EPC2: variants seen among roughly 807,000 people sequenced by gnomAD.
EPC2 encodes the protein enhancer of polycomb homolog 2.
EPC2 carries 14 observed loss-of-function variants against 92.1 expected under a neutral mutation model. That is an observed-to-expected ratio of 0.15 (90% CI 0.10 to 0.24). The LOEUF is 0.24. Ranked by LOEUF, EPC2 falls within the 10% of genes least tolerant of loss-of-function variation. The pLI is 1.00. For missense variants in EPC2, 755 were observed against 971.5 expected (o/e 0.78, Z 2.96); for synonymous variants, 340 against 334.7 (o/e 1.02, Z -0.17).
chr2:148,761,841 T>C lies in EPC2; in HGVS notation c.726T>C (p.Ser242=). ...TGTTGAAACTGAGACGAGAATTTAGTAGAGCCATAACAATTTTGGAAATGA... is the reference window on the plus strand; with the variant it reads ...TGTTGAAACTGAGACGAGAATTTAGCAGAGCCATAACAATTTTGGAAATGA... ...EKMLKLRREF[S]RAITILEMIK... is the part of the protein sequence containing the mutation. Residue 242 remains serine (S), a synonymous_variant, in exon 5 of 14, where the codon AGT becomes AGC. Transcript: ENST00000258484. The C allele has an allele frequency of 6.3e-7, 1 of 1,593,366 alleles. No individual in the cohort carries two copies. Among genetic ancestry groups the C allele is most frequent in the Admixed American group, 1.8e-5 (1 of 56,412 alleles).
At chr2:148,662,213 TTGG>T (rs1382806488) in intron 1 of EPC2, among the ~76,000 whole-genome samples, 1 of 152,150 alleles carries the variant, frequency 6.6e-6, no homozygotes, top group African/African-American at 2.4e-5. Context: ...TTTTACACTG[TTGG>T]TGGGAGTGTA....
chr2:148,663,592 A>ATTT lies in EPC2; in HGVS notation c.153+18448_153+18450dup, dbSNP rs56911412. 3.7e-3 allele frequency among the ~76,000 whole-genome samples: 278 copies of ATTT among 74,358 alleles called. 29 individuals are homozygous for ATTT. The highest frequency in any genetic ancestry group is 0.015 in the African/African-American group (266 of 17,836). The allele number at this position is 74,358 out of a possible 152,430, so 48.8% of individuals were successfully genotyped here. On this transcript the variant is annotated intron_variant, in intron 1 of 13. Transcript: ENST00000258484. ...TTCCAGTTTTACTATATAGATTAAG[A>ATTT]TTTTTTTTTTTTTTTTTTTTTTTTT...
Position 148,721,890 on chromosome 2 carries a change from C to CTTTTTTT in EPC2, c.314-21721_314-21715dup. Among the ~76,000 whole-genome samples, 49 of 60,764 alleles carry CTTTTTTT rather than the reference C, an allele frequency of 8.1e-4. 1 individual carries two copies. The highest frequency in any genetic ancestry group is 2.2e-3 in the African/African-American group (34 of 15,364). The allele number at this position is 60,764 out of a possible 152,430, so 39.9% of individuals were successfully genotyped here. ...TTTGTTTCTTTTTCTGTTTTGATTT[C>CTTTTTTT]TTTTTTTTTTTTTTTTTCAGAATTC... On this transcript the variant is annotated intron_variant, in intron 2 of 13. Coordinates refer to ENST00000258484, the MANE Select transcript of EPC2 (RefSeq NM_015630.4).
intron 2 of EPC2, among the ~76,000 whole-genome samples, chr2:148,739,023 G>C (rs966641484): frequency 6.6e-6 from 1 of 152,180 alleles, no homozygotes; most frequent in African/African-American, 2.4e-5. Flanking sequence ...AAGGAAGGAA[G>C]AACCACTGGA....
chr2:148,756,949 G>C (rs907694283), intron 4 of EPC2, among the ~76,000 whole-genome samples: 1 of 152,208 alleles, frequency 6.6e-6, no homozygotes, highest in Non-Finnish European at 1.5e-5. Flanking sequence ...AACTGTATTA[G>C]GGAGAAAGGA....
intron 3 of EPC2, among the ~76,000 whole-genome samples, chr2:148,748,482 A>C (rs1683028408): frequency 6.6e-6 from 1 of 152,020 alleles, no homozygotes; most frequent in Non-Finnish European, 1.5e-5. Flanking sequence ...AACATCACTA[A>C]ATCAAACCAG....
intron 10 of EPC2, among the ~76,000 whole-genome samples, chr2:148,775,014 G>A (rs967091774): frequency 1.3e-5 from 2 of 151,092 alleles, no homozygotes; most frequent in Non-Finnish European, 3.0e-5. Context: ...GCGTGAACCC[G>A]GGAGGCGGAG....
At chr2:148,699,187 C>T (rs910283424) in intron 2 of EPC2, among the ~76,000 whole-genome samples, 3 of 152,148 alleles carry the variant, frequency 2.0e-5, no homozygotes, top group South Asian at 4.2e-4. Context: ...TTTTAAAACA[C>T]GATTTTAGAT....
At chr2:148,697,275 A>G (rs144625172) in intron 2 of EPC2, among the ~76,000 whole-genome samples, 48 of 151,550 alleles carry the variant, frequency 3.2e-4, no homozygotes, top group African/African-American at 9.2e-4. Flanking sequence ...ATTCATTACC[A>G]TTCAAAGGGG....
intron 1 of EPC2, among the ~76,000 whole-genome samples, chr2:148,684,701 C>G (rs1681478632): frequency 6.6e-6 from 1 of 152,214 alleles, no homozygotes. Flanking sequence ...GATACCATTT[C>G]AGTGAACCCC....
At chr2:148,765,249 C>A (rs370689800) in intron 7 of EPC2, 103 bp downstream of exon 7, 1 of 788,474 alleles carries the variant, frequency 1.3e-6, no homozygotes, top group East Asian at 3.0e-5. Context: ...TGCTTTGTTC[C>A]CCTAATGTAT....
In EPC2 at chr2:148,755,674, A is replaced by G. The variant is rs148511351; in HGVS notation, c.666+1541A>G. ...GTTTGTAGCCTAGCAGCAATAGGCT[A>G]TACCTTCTAGGTTTATGTAAGTACA... On this transcript the variant is annotated intron_variant, in intron 4 of 13. Coordinates refer to ENST00000258484, the MANE Select transcript of EPC2 (RefSeq NM_015630.4). Among the ~76,000 whole-genome samples the G allele has an allele frequency of 2.5e-3, 385 of 152,362 alleles. 2 individuals are homozygous for G. Among genetic ancestry groups the G allele is most frequent in the African/African-American group, 8.6e-3 (359 of 41,582 alleles).
At chr2:148,727,848 G>A (rs1234583560) in intron 2 of EPC2, among the ~76,000 whole-genome samples, 2 of 152,122 alleles carry the variant, frequency 1.3e-5, no homozygotes, top group East Asian at 3.8e-4. Flanking sequence ...GCATTCAAAT[G>A]ATTTCAAAAG....
chr2:148,653,806 T>C (rs1680734412), intron 1 of EPC2, among the ~76,000 whole-genome samples: 1 of 152,116 alleles, frequency 6.6e-6, no homozygotes, highest in Non-Finnish European at 1.5e-5. Flanking sequence ...TTGTTGGAAC[T>C]TTGAAATTGT....
chr2:148,775,057 C>T (rs1683600867), intron 10 of EPC2, among the ~76,000 whole-genome samples: 1 of 148,768 alleles, frequency 6.7e-6, no homozygotes, highest in South Asian at 2.1e-4. Flanking sequence ...CCACTGCACT[C>T]CAGCCTGGGC....
chr2:148,739,833 C>CTTTTTTTTT (rs144868417), intron 2 of EPC2, among the ~76,000 whole-genome samples: 234 of 81,278 alleles, frequency 2.9e-3, no homozygotes, highest in African/African-American at 3.0e-3. Flanking sequence ...TCTTCTTCTT[C>CTTTTTTTTT]TTTTTTTTTT....
intron 1 of EPC2, among the ~76,000 whole-genome samples, chr2:148,662,481 A>G (rs962214594): frequency 3.9e-5 from 6 of 152,288 alleles, no homozygotes; most frequent in African/African-American, 7.2e-5. Context: ...GGAATACTAT[A>G]CAGCCATAAA....
rs1228128547 is a variant in EPC2 at position 148,645,146 on chromosome 2, C to T, written c.129C>T (p.Thr43=). The T allele has an allele frequency of 6.2e-7, 1 of 1,609,580 alleles. No individual in the cohort carries two copies. Among genetic ancestry groups the T allele is most frequent in the Non-Finnish European group, 8.5e-7 (1 of 1,178,056 alleles). Residue 43 remains threonine, a synonymous_variant, in exon 1 of 14, where the codon ACC becomes ACT. Transcript: ENST00000258484. ...SINRAVPQMP[T]GMEKEEESEH... ...ACCGGGCCGTGCCCCAGATGCCCAC[C>T]GGGATGGAGAAGGAGGAGGAATCGG...
At chr2:148,756,321 T>C (rs539898372) in intron 4 of EPC2, among the ~76,000 whole-genome samples, 1 of 152,340 alleles carries the variant, frequency 6.6e-6, no homozygotes, top group African/African-American at 2.4e-5. Flanking sequence ...CCTATCATGC[T>C]CACCATTGCT....
Sources: allele counts gnomAD v4.1 joint callset (sites outside exome capture counted in the v4.1 genomes callset), GRCh38; gene constraint gnomAD v4.1.1; transcripts MANE v1.5; gene names NCBI Gene and HGNC (gene_info 2026-07-23, HGNC 2026-07-21).